ADARB2: variants seen among roughly 807,000 people sequenced by gnomAD.
ADARB2 encodes inactive double-stranded RNA-specific editase B2.
ADARB2 carries 25 observed loss-of-function variants against 62.2 expected under a neutral mutation model. That is an observed-to-expected ratio of 0.40 (90% CI 0.29 to 0.56). The LOEUF (loss-of-function observed/expected upper bound fraction) is 0.56. ADARB2 is among the 20% of genes least tolerant of loss of function. The probability of loss-of-function intolerance (pLI) is 0.43; values close to 1 mark genes in which losing one functional copy is unlikely to be tolerated. For missense variants in ADARB2, 1,071 were observed against 1,077.4 expected (o/e 0.99, Z 0.08); for synonymous variants, 572 against 500.8 (o/e 1.14, Z -1.90).
In ADARB2 at chr10:1,363,057, C is replaced by A; in HGVS notation, c.1048G>T (p.Gly350Cys). 2 of 1,440,664 alleles carry A rather than the reference C, an allele frequency of 1.4e-6. No homozygotes were observed. Among genetic ancestry groups the A allele is most frequent in the Non-Finnish European group, 1.8e-6 (2 of 1,098,314 alleles). The allele number at this position is 1,440,664 out of a possible 1,614,324, so 89.2% of individuals were successfully genotyped here. A position where few individuals can be genotyped will look rare whatever the true frequency, so the allele number is the denominator to read the frequency against. ...FDIQMPGHAP[G>C]RARRTPMPQE... Reference sequence around the variant, plus strand: ...GGCATTGGCGTCCTCCTGGCCCTGCCGGGCGCGTGGCCGGGCATCTGGATG... The same window carrying A: ...GGCATTGGCGTCCTCCTGGCCCTGCAGGGCGCGTGGCCGGGCATCTGGATG... The change falls in exon 3 of 10, where the codon GGC (glycine) becomes TGC (cysteine). Residue 350 changes from glycine (G) to cysteine (C), a missense_variant. Gly to Cys is a radical substitution (Grantham distance 159). Coordinates refer to ENST00000381312, the MANE Select transcript of ADARB2 (RefSeq NM_018702.4).
rs995407374 is a variant in ADARB2 at position 1,477,900 on chromosome 10, T to A, written c.101-98740A>T. On this transcript the variant is annotated intron_variant, in intron 1 of 9. Transcript: ENST00000381312. This position sits in a 1 kb window ranked among gnomAD's most constrained non-coding sequence, Gnocchi z 4.5. ...TGCACTGGGAGGTTCCCTCCTGCCC[T>A]GACATGCATCCCAGGGAAGAGCCCC... Among the ~76,000 whole-genome samples the A allele has an allele frequency of 6.6e-6, 1 of 152,240 alleles. No individual in the cohort carries two copies. The highest frequency in any genetic ancestry group is 2.4e-5 in the African/African-American group (1 of 41,466).
At chr10:1,691,055 G>C (rs556156681) in intron 1 of ADARB2, among the ~76,000 whole-genome samples, 1 of 152,270 alleles carries the variant, frequency 6.6e-6, no homozygotes, top group Non-Finnish European at 1.5e-5. Context: ...TTCCCATGCT[G>C]AATCCCTAAT....
chr10:1,301,613 T>C (rs935539910), intron 3 of ADARB2, among the ~76,000 whole-genome samples: 1 of 152,132 alleles, frequency 6.6e-6, no homozygotes, highest in Non-Finnish European at 1.5e-5. Flanking sequence ...TCTTCAGGGT[T>C]CATTAATTTG....
intron 3 of ADARB2, among the ~76,000 whole-genome samples, chr10:1,353,998 A>G (rs1166642019): frequency 1.3e-5 from 2 of 152,116 alleles, no homozygotes; most frequent in African/African-American, 4.8e-5. Flanking sequence ...GGCCATCACC[A>G]ATAATTCTAC....
At position 1,182,626 on chromosome 10, in the gene ADARB2, G is replaced by C. The variant is rs747521086; in HGVS notation, c.*567C>G. The stretch of plus-strand genomic sequence containing the variant: ...TTCTCTGGTTCTATTTTAGGTGTTC[G>C]GTAATGTCGTACATCTTAAATCTTT... On this transcript the variant is annotated 3_prime_UTR_variant, in exon 10 of 10. Coordinates refer to ENST00000381312, the MANE Select transcript of ADARB2 (RefSeq NM_018702.4). 6.6e-6 allele frequency: 1 copy of C among 152,528 alleles called. No individual in the cohort carries two copies. The highest frequency in any genetic ancestry group is 1.5e-5 in the Non-Finnish European group (1 of 68,254). The allele number at this position is 152,528 out of a possible 1,614,324, so 9.4% of individuals were successfully genotyped here. A position where few individuals can be genotyped will look rare whatever the true frequency, so the allele number is the denominator to read the frequency against.
At chr10:1,214,257 G>A (rs1263955498) in intron 7 of ADARB2, among the ~76,000 whole-genome samples, 1 of 150,312 alleles carries the variant, frequency 6.7e-6, no homozygotes, top group Non-Finnish European at 1.5e-5. Context: ...TGCCAGCGTT[G>A]CATGGGTTTG....
At chr10:1,377,958 A>G (rs1588238186) in intron 2 of ADARB2, among the ~76,000 whole-genome samples, 1 of 152,150 alleles carries the variant, frequency 6.6e-6, no homozygotes, top group East Asian at 1.9e-4. Flanking sequence ...GACCCCTCCC[A>G]CTGCCTCTTG....
chr10:1,640,244 T>A (rs1021982060), intron 1 of ADARB2, among the ~76,000 whole-genome samples: 2 of 152,226 alleles, frequency 1.3e-5, no homozygotes, highest in Admixed American at 1.3e-4. Flanking sequence ...AATTATAGTC[T>A]TACTCCTTAA....
chr10:1,407,861 G>A (rs1264294036), intron 1 of ADARB2, among the ~76,000 whole-genome samples: 1 of 152,180 alleles, frequency 6.6e-6, no homozygotes, highest in African/African-American at 2.4e-5. Flanking sequence ...GGGGGAACTG[G>A]GCAGACAGAC....
At chr10:1,377,127 C>G (rs1411271229) in intron 2 of ADARB2, among the ~76,000 whole-genome samples, 2 of 106,774 alleles carry the variant, frequency 1.9e-5, no homozygotes, top group Non-Finnish European at 3.7e-5. Flanking sequence ...GTGTGCGGTG[C>G]GTCCCTGGGG....
chr10:1,341,948 T>C (rs767462087), intron 3 of ADARB2, among the ~76,000 whole-genome samples: 2 of 152,258 alleles, frequency 1.3e-5, no homozygotes, highest in Non-Finnish European at 2.9e-5. Context: ...GATAACTTTT[T>C]CCTGAGCCAC....
intron 1 of ADARB2, among the ~76,000 whole-genome samples, chr10:1,525,867 G>A (rs540420615): frequency 6.6e-6 from 1 of 151,976 alleles, no homozygotes; most frequent in Non-Finnish European, 1.5e-5. Flanking sequence ...GCGTGTCTGC[G>A]TGCGTTTATG....
At chr10:1,227,867 T>A (rs190314441) in intron 6 of ADARB2, among the ~76,000 whole-genome samples, 1 of 152,354 alleles carries the variant, frequency 6.6e-6, no homozygotes, top group African/African-American at 2.4e-5. Context: ...CTAGTATTCA[T>A]TGTAATAATA....
intron 1 of ADARB2, among the ~76,000 whole-genome samples, chr10:1,442,930 G>T (rs142698941): frequency 1.3e-5 from 2 of 152,310 alleles, no homozygotes; most frequent in Non-Finnish European, 2.9e-5. Context: ...TCTGAAAAGC[G>T]AGTTGACTGT....
At chr10:1,422,744 C>T (rs1832861919) in intron 1 of ADARB2, among the ~76,000 whole-genome samples, 1 of 152,226 alleles carries the variant, frequency 6.6e-6, no homozygotes, top group South Asian at 2.1e-4. Context: ...CAATGTGTCA[C>T]CAAGCATAGG....
chr10:1,510,129 T>TTTCTTTCC (rs1564312582), intron 1 of ADARB2, among the ~76,000 whole-genome samples: 1 of 135,508 alleles, frequency 7.4e-6, no homozygotes, highest in East Asian at 2.1e-4. Context: ...TCTTTCTTTC[T>TTTCTTTCC]TTCTTTCTTT....
At chr10:1,586,094 T>C (rs10903500) in intron 1 of ADARB2, among the ~76,000 whole-genome samples, 23,017 of 152,058 alleles carry the variant, frequency 0.15, 2,132 homozygotes, top group East Asian at 0.39. Context: ...CCTGACCACC[T>C]TGGGCACACG....
At position 1,692,080 on chromosome 10, in the gene ADARB2, A is replaced by G. The variant is rs187644577; in HGVS notation, c.100+44971T>C. ...TCAATAAACAGAATTTTCTTACTGA[A>G]CGGGTCTGAATCCCATTGTGTGTTC... On this transcript the variant is annotated intron_variant, in intron 1 of 9. Coordinates refer to ENST00000381312, the MANE Select transcript of ADARB2 (RefSeq NM_018702.4). Among the ~76,000 whole-genome samples, 20 of 152,334 alleles carry G rather than the reference A, an allele frequency of 1.3e-4. No homozygotes were observed. The East Asian group carries it at 3.7e-3, about 28-fold the overall frequency.
rs374312099 is a variant in ADARB2 at position 1,296,409 on chromosome 10, C to T, written c.1078-25340G>A. ...TAGAGATGCTGCTTAACCCCATTATCGGAGGACAGGACTGAAATGGTTATT... is the reference window on the plus strand; with the variant it reads ...TAGAGATGCTGCTTAACCCCATTATTGGAGGACAGGACTGAAATGGTTATT... On this transcript the variant is annotated intron_variant, in intron 3 of 9. Transcript: ENST00000381312. Among the ~76,000 whole-genome samples, 34 of 152,286 alleles carry T rather than the reference C, an allele frequency of 2.2e-4. 1 individual carries two copies. Among genetic ancestry groups the T allele is most frequent in the Admixed American group, 1.4e-3 (22 of 15,304 alleles).
Sources: gnomAD v4.1 joint callset for allele counts (sites outside exome capture counted in the v4.1 genomes callset) on GRCh38, gnomAD v4.1.1 for gene constraint, Gnocchi (gnomAD v3.1) non-coding constraint, MANE v1.5 for transcripts, NCBI Gene and HGNC (gene_info 2026-07-23, HGNC 2026-07-21) for gene names.